GPC5: variants seen among roughly 807,000 people sequenced by gnomAD.
GPC5 encodes the protein glypican-5.
In GPC5, 47 loss-of-function variants were observed where a neutral mutation model predicts 53.9. The ratio of observed to expected loss-of-function variants is 0.87; its 90% CI spans 0.69 to 1.11. GPC5 has a LOEUF of 1.11. GPC5 is among the 50% of genes most tolerant of loss of function. GPC5 has a pLI of 0.00. For missense variants in GPC5, 748 were observed against 713.1 expected (o/e 1.05, Z -0.56); for synonymous variants, 286 against 263.3 (o/e 1.09, Z -0.84).
At chr13:91,859,093 A>G (rs568865302) in intron 5 of GPC5, among the ~76,000 whole-genome samples, 1 of 151,492 alleles carries the variant, frequency 6.6e-6, no homozygotes, top group African/African-American at 2.4e-5. Context: ...TTTTTAAAAA[A>G]CAAACTTTTC....
chr13:92,128,060 C>T (rs909551756), intron 6 of GPC5, among the ~76,000 whole-genome samples: 1 of 152,104 alleles, frequency 6.6e-6, no homozygotes, highest in Non-Finnish European at 1.5e-5. Context: ...ATCAATCTTC[C>T]TCTCCTTTGA....
chr13:92,045,319 A>C (rs571781635), intron 6 of GPC5, among the ~76,000 whole-genome samples: 2 of 152,328 alleles, frequency 1.3e-5, no homozygotes, highest in South Asian at 4.1e-4. Flanking sequence ...GCAATATATG[A>C]ACCTGTAAGT....
intron 7 of GPC5, among the ~76,000 whole-genome samples, chr13:92,509,241 C>A (rs1880480270): frequency 6.6e-6 from 1 of 151,860 alleles, no homozygotes; most frequent in Non-Finnish European, 1.5e-5. Context: ...ATAGTTTTAA[C>A]CCTCCTCTCC....
intron 7 of GPC5, among the ~76,000 whole-genome samples, chr13:92,228,939 C>T (rs72636850): frequency 1.2e-4 from 18 of 152,058 alleles, no homozygotes; most frequent in Non-Finnish European, 2.2e-4. Context: ...TTTTTTAATA[C>T]ATTTGGAAAA....
rs185845900 is a variant in GPC5, at chr13:92,536,131, T to C, written c.1562-330151T>C. On this transcript the variant is annotated intron_variant, in intron 7 of 7. Coordinates refer to ENST00000377067, the MANE Select transcript of GPC5 (RefSeq NM_004466.6). Reference sequence around the variant, plus strand: ...AAGTAATGTTCAAGGTTATTTAATGTGCATCGTCTCTAAGCCTTTCGTACA... The same window carrying C: ...AAGTAATGTTCAAGGTTATTTAATGCGCATCGTCTCTAAGCCTTTCGTACA... 2.8e-3 allele frequency among the ~76,000 whole-genome samples: 421 copies of C among 152,276 alleles called. 3 individuals carry two copies. The highest frequency in any genetic ancestry group is 9.5e-3 in the African/African-American group (393 of 41,564).
chr13:92,194,619 G>C (rs2042245049), intron 7 of GPC5, among the ~76,000 whole-genome samples: 1 of 152,228 alleles, frequency 6.6e-6, no homozygotes, highest in South Asian at 2.1e-4. Flanking sequence ...CTAGGTAAGT[G>C]TGTTCTGTGA....
In GPC5 at chr13:91,554,330, G is replaced by C. The variant is rs138632845; in HGVS notation, c.325+105408G>C. Among the ~76,000 whole-genome samples, 115 of 151,506 alleles carry C rather than the reference G, an allele frequency of 7.6e-4. 1 individual carries two copies. Among genetic ancestry groups the C allele is most frequent in the Admixed American group, 4.5e-3 (69 of 15,202 alleles). On this transcript the variant is annotated intron_variant, in intron 2 of 7. Transcript: ENST00000377067. ...CACAGAGACTCAACACATGCACGTG[G>C]ACACATACATGTATACACACAGGCA...
At chr13:91,990,128 T>C (rs1213021749) in intron 6 of GPC5, among the ~76,000 whole-genome samples, 1 of 152,226 alleles carries the variant, frequency 6.6e-6, no homozygotes, top group South Asian at 2.1e-4. Flanking sequence ...ATTGGTATTA[T>C]GATTTTTAGT....
intron 7 of GPC5, among the ~76,000 whole-genome samples, chr13:92,632,833 A>G (rs978108515): frequency 6.6e-6 from 1 of 152,086 alleles, no homozygotes; most frequent in Non-Finnish European, 1.5e-5. Flanking sequence ...CACATTTTGC[A>G]TGGATGGCAG....
intron 6 of GPC5, chr13:91,994,971 T>G (rs2138742112): frequency 6.6e-6 from 1 of 152,086 alleles, no homozygotes; most frequent in African/African-American, 2.4e-5. Flanking sequence ...TTTTTTTATT[T>G]TTTATTTTTT....
intron 7 of GPC5, among the ~76,000 whole-genome samples, chr13:92,712,812 C>T (rs1049953602): frequency 5.3e-5 from 8 of 152,082 alleles, no homozygotes; most frequent in Non-Finnish European, 1.0e-4. Flanking sequence ...TATGAATGGG[C>T]GTCAATCCAA....
chr13:91,784,340 G>A (rs2037844160), intron 5 of GPC5, among the ~76,000 whole-genome samples: 1 of 152,102 alleles, frequency 6.6e-6, no homozygotes, highest in South Asian at 2.1e-4. Context: ...CTGGGTCTCT[G>A]GGTAGATAAT....
chr13:92,199,594 A>G (rs1239547149), intron 7 of GPC5, among the ~76,000 whole-genome samples: 1 of 152,186 alleles, frequency 6.6e-6, no homozygotes, highest in African/African-American at 2.4e-5. Context: ...CAAAGAGAAC[A>G]TTGGTCATTA....
At chr13:91,897,829 A>G (rs190376302) in intron 5 of GPC5, among the ~76,000 whole-genome samples, 5 of 152,188 alleles carry the variant, frequency 3.3e-5, no homozygotes, top group African/African-American at 9.6e-5. Flanking sequence ...GTGCTCCCCC[A>G]TATTTCTATT....
chr13:92,268,112 G>A (rs1441007659), intron 7 of GPC5, among the ~76,000 whole-genome samples: 1 of 129,482 alleles, frequency 7.7e-6, no homozygotes, highest in African/African-American at 3.3e-5. Flanking sequence ...TTAATTTCAG[G>A]ACTTAAAAAA....
At chr13:91,511,892 T>C (rs1367445908) in intron 2 of GPC5, among the ~76,000 whole-genome samples, 1 of 152,108 alleles carries the variant, frequency 6.6e-6, no homozygotes, top group African/African-American at 2.4e-5. Flanking sequence ...TTGTCATGTC[T>C]CATAATTTTT....
intron 7 of GPC5, among the ~76,000 whole-genome samples, chr13:92,276,145 T>G (rs1325766643): frequency 6.6e-6 from 1 of 152,158 alleles, no homozygotes; most frequent in African/African-American, 2.4e-5. Flanking sequence ...GAAGGTTGTT[T>G]GCAAGGTTAC....
intron 6 of GPC5, among the ~76,000 whole-genome samples, chr13:91,978,324 A>T (rs2040325947): frequency 6.6e-6 from 1 of 152,190 alleles, no homozygotes; most frequent in South Asian, 2.1e-4. Flanking sequence ...TCATTTATTT[A>T]CTCATTGTAG....
chr13:92,691,218 G>T (rs1887375812), intron 7 of GPC5, among the ~76,000 whole-genome samples: 1 of 101,942 alleles, frequency 9.8e-6, no homozygotes, highest in Non-Finnish European at 1.9e-5. Flanking sequence ...CAATCAGCGA[G>T]ATTCCGTGGG....
Sources: allele counts gnomAD v4.1 joint callset (sites outside exome capture counted in the v4.1 genomes callset), GRCh38; gene constraint gnomAD v4.1.1; transcripts MANE v1.5; gene names NCBI Gene and HGNC (gene_info 2026-07-23, HGNC 2026-07-21).